The following TCN1 variants were observed in gnomAD, a reference collection of about 807,000 sequenced individuals.
TCN1 encodes the protein transcobalamin-1.
TCN1 carries 47 observed loss-of-function variants against 46.3 expected under a neutral mutation model. The observed-to-expected ratio is 1.01, with a 90% CI of 0.80 to 1.29. The LOEUF (loss-of-function observed/expected upper bound fraction) is 1.29. TCN1 is among the 50% of genes most tolerant of loss of function. The probability of loss-of-function intolerance (pLI) is 0.00; values close to 1 mark genes in which losing one functional copy is unlikely to be tolerated. For missense variants in TCN1, 532 were observed against 511.0 expected (o/e 1.04, Z -0.40); for synonymous variants, 183 against 192.5 (o/e 0.95, Z 0.41).
At chr11:59,863,630 C>T (rs1853039886) in intron 2 of TCN1, among the ~76,000 whole-genome samples, 1 of 152,110 alleles carries the variant, frequency 6.6e-6, no homozygotes. Context: ...GTGAACTAAG[C>T]TAGCTTATAT....
At chr11:59,857,589 C>T (rs946642564) in intron 5 of TCN1, among the ~76,000 whole-genome samples, 4 of 152,136 alleles carry the variant, frequency 2.6e-5, no homozygotes, top group African/African-American at 9.7e-5. Flanking sequence ...TGTCGTCTCT[C>T]CCTTGAAAGT....
chr11:59,855,989 G>T lies in TCN1; in HGVS notation c.817C>A (p.Leu273Ile). 6.2e-7 allele frequency: 1 copy of T among 1,602,242 alleles called. No homozygotes were observed. The highest frequency in any genetic ancestry group is 2.3e-5 in the East Asian group (1 of 44,086). The change falls in exon 6 of 9, where the codon CTC becomes ATC. Residue 273 changes from leucine (L) to isoleucine (I), a missense_variant. Coordinates refer to ENST00000257264, the MANE Select transcript of TCN1 (RefSeq NM_001062.4). ...AATGCTCCTTGAGAAATTTCCGTGA[G>T]CACTGTATTCAGAGTTTGTTGGCAA... ...WNCQQTLNTV[L>I]TEISQGAFSN...
At chr11:59,862,533 T>A in intron 3 of TCN1, 49 bp downstream of exon 3, 1 of 1,602,524 alleles carries the variant, frequency 6.2e-7, no homozygotes, top group Non-Finnish European at 8.5e-7. Context: ...TTTGAATCAG[T>A]GGAGGAGAAG....
intron 2 of TCN1, 77 bp downstream of exon 2, chr11:59,863,830 T>C (rs1290094891): frequency 3.2e-6 from 5 of 1,553,608 alleles, no homozygotes; most frequent in Admixed American, 3.4e-5. Flanking sequence ...GGATGCATAA[T>C]TTTTTAGGAT....
chr11:59,860,079 G>A (rs1205017465), intron 4 of TCN1, among the ~76,000 whole-genome samples: 2 of 152,180 alleles, frequency 1.3e-5, no homozygotes, highest in African/African-American at 2.4e-5. Context: ...GATGTAGCAC[G>A]AATCTCTAAA....
chr11:59,854,336 A>T (rs369694000), intron 7 of TCN1, among the ~76,000 whole-genome samples: 1 of 149,598 alleles, frequency 6.7e-6, no homozygotes, highest in Non-Finnish European at 1.5e-5. Context: ...ATTCAAAAAG[A>T]GTTAAGAACC....
intron 7 of TCN1, among the ~76,000 whole-genome samples, chr11:59,854,059 C>T (rs1236428783): frequency 6.6e-6 from 1 of 151,126 alleles, no homozygotes; most frequent in Non-Finnish European, 1.5e-5. Flanking sequence ...TTTCTGAAAG[C>T]GAGGGCAGGG....
intron 3 of TCN1, among the ~76,000 whole-genome samples, chr11:59,862,323 GTGTGTGTGTGTGTA>G (rs1853023256): frequency 6.6e-6 from 1 of 152,066 alleles, no homozygotes; most frequent in African/African-American, 2.4e-5. Flanking sequence ...GTGTGCATGT[GTGTGTGTGTGTGTA>G]TGTGTGTGTG....
chr11:59,865,392 T>A (rs936484084), intron 1 of TCN1, among the ~76,000 whole-genome samples: 3 of 152,140 alleles, frequency 2.0e-5, no homozygotes, highest in Admixed American at 6.5e-5. Flanking sequence ...TTAAAATGAA[T>A]TGAAAGCTAA....
intron 7 of TCN1, among the ~76,000 whole-genome samples, chr11:59,853,787 G>C (rs560261973): frequency 2.2e-4 from 34 of 152,318 alleles, no homozygotes; most frequent in African/African-American, 7.9e-4. Context: ...TTATTAAAAA[G>C]TGACAGGTCA....
Position 59,855,926 on chromosome 11 carries a change from G to C in TCN1, c.880C>G (p.Leu294Val), listed in dbSNP as rs747493664. Residue 294 changes from leucine to valine, a missense_variant, in exon 6 of 9, where the codon CTG (leucine) becomes GTG (valine). Leu to Val is a conservative substitution (Grantham distance 32, BLOSUM62 1). Coordinates refer to ENST00000257264, the MANE Select transcript of TCN1 (RefSeq NM_001062.4). ...PNAAAQVLPALMGKTFLDINK... is the reference protein window; with the variant it reads ...PNAAAQVLPAVMGKTFLDINK... ...ATATCCAAGAAGGTCTTTCCCATCAGGGCAGGTAAGACCTGGGCTGCAGCG... is the reference window on the plus strand; with the variant it reads ...ATATCCAAGAAGGTCTTTCCCATCACGGCAGGTAAGACCTGGGCTGCAGCG... The C allele has an allele frequency of 6.2e-7, 1 of 1,613,854 alleles. No homozygotes were observed. Among genetic ancestry groups the C allele is most frequent in the Admixed American group, 1.7e-5 (1 of 60,000 alleles).
intron 3 of TCN1, among the ~76,000 whole-genome samples, chr11:59,862,137 T>C (rs556406630): frequency 1.2e-3 from 177 of 152,312 alleles, no homozygotes; most frequent in African/African-American, 3.9e-3. Context: ...GTGGCCACCA[T>C]GGCCGGTTGA....
In TCN1 at chr11:59,853,267, T is replaced by C. The variant is rs1409198667; in HGVS notation, c.1176A>G (p.Leu392=). The stretch of plus-strand genomic sequence containing the variant: ...AGGTTCTGTCATTATTGTTGGCACA[T>C]AGGCCCTGAATACAGGTGATATAGG... The part of the protein sequence containing the change: ...WGPYITCIQG[L]CANNNDRTYW... The change falls in exon 8 of 9, where the codon CTA becomes CTG. Residue 392 remains leucine (L), a synonymous_variant. Transcript: ENST00000257264. 3.1e-6 allele frequency: 5 copies of C among 1,614,002 alleles called. No homozygotes were observed. The highest frequency in any genetic ancestry group is 4.2e-6 in the Non-Finnish European group (5 of 1,180,008).
intron 7 of TCN1, among the ~76,000 whole-genome samples, chr11:59,854,229 A>C (rs1002483400): frequency 4.8e-5 from 7 of 146,338 alleles, no homozygotes; most frequent in African/African-American, 1.9e-4. Context: ...CTGTCTGTAA[A>C]ATAAATAAAT....
chr11:59,864,542 T>C (rs896435118), intron 1 of TCN1, among the ~76,000 whole-genome samples: 2 of 152,120 alleles, frequency 1.3e-5, no homozygotes, highest in African/African-American at 4.8e-5. Flanking sequence ...GGGTTAATGT[T>C]GAGAAAATGC....
intron 4 of TCN1, among the ~76,000 whole-genome samples, chr11:59,860,224 G>T (rs1369202150): frequency 6.6e-6 from 1 of 152,044 alleles, no homozygotes; most frequent in East Asian, 1.9e-4. Context: ...CTGCCTCCTG[G>T]GTTCTAGTGA....
At position 59,855,858 on chromosome 11, in the gene TCN1, A is replaced by C. The variant is rs762874413; in HGVS notation, c.937+11T>G. The C allele has an allele frequency of 4.3e-6, 7 of 1,613,632 alleles. No individual in the cohort carries two copies. The highest frequency in any genetic ancestry group is 5.9e-6 in the Non-Finnish European group (7 of 1,179,616). On this transcript the variant is annotated intron_variant, in intron 6 of 8. Coordinates refer to ENST00000257264, the MANE Select transcript of TCN1 (RefSeq NM_001062.4). ...AAAAGCGAAACAGTGTGCTCTCTTT[A>C]ATGCTTATACCTGAAGCAGAGACGC...
intron 5 of TCN1, among the ~76,000 whole-genome samples, chr11:59,858,634 C>T (rs191664460): frequency 1.4e-3 from 212 of 152,100 alleles, no homozygotes; most frequent in African/African-American, 4.8e-3. Flanking sequence ...GTATAGGAAC[C>T]GCAGAATGTA....
intron 5 of TCN1, among the ~76,000 whole-genome samples, chr11:59,857,674 A>T (rs1403110481): frequency 6.6e-6 from 1 of 151,864 alleles, no homozygotes; most frequent in Non-Finnish European, 1.5e-5. Flanking sequence ...TTTTCTGTAA[A>T]CCTTCCTTGA....
Sources: allele counts gnomAD v4.1 joint callset (sites outside exome capture counted in the v4.1 genomes callset), GRCh38; gene constraint gnomAD v4.1.1; transcripts MANE v1.5; gene names NCBI Gene and HGNC (gene_info 2026-07-23, HGNC 2026-07-21).